The following TLL2 variants were observed in gnomAD, a reference collection of about 807,000 sequenced individuals.
TLL2 encodes tolloid like 2.
In TLL2, 106 loss-of-function variants were observed where a neutral mutation model predicts 123.0. The ratio of observed to expected loss-of-function variants is 0.86; its 90% CI spans 0.74 to 1.01. The LOEUF (loss-of-function observed/expected upper bound fraction) is 1.01, where lower values mean the gene tolerates loss of function less well. TLL2 is among the 50% of genes least tolerant of loss of function. TLL2 has a pLI of 0.00. For missense variants in TLL2, 1,332 were observed against 1,336.7 expected, an observed-to-expected ratio of 1.00 and a Z score of 0.06; for synonymous variants, 494 against 516.8, an observed-to-expected ratio of 0.96 and a Z score of 0.60.
chr10:96,496,183 A>T (rs1051803761), intron 1 of TLL2, among the ~76,000 whole-genome samples: 11 of 152,268 alleles, frequency 7.2e-5, no homozygotes, highest in Non-Finnish European at 1.5e-4. Context: ...CTCAGGATAG[A>T]TATTCCTAAT....
chr10:96,448,642 GA>G (rs1330775609), intron 2 of TLL2, among the ~76,000 whole-genome samples: 1 of 152,094 alleles, frequency 6.6e-6, no homozygotes, highest in Non-Finnish European at 1.5e-5. Context: ...AAGGGTAGGG[GA>G]AAAAATGACA....
chr10:96,395,884 T>C lies in TLL2; in HGVS notation c.1521A>G (p.Gln507=). The C allele has an allele frequency of 6.2e-7, 1 of 1,614,154 alleles. No homozygotes were observed. The highest frequency in any genetic ancestry group is 2.2e-5 in the East Asian group (1 of 44,882). Residue 507 remains glutamine, a synonymous_variant, in exon 12 of 21, where the codon CAA becomes CAG. Coordinates refer to ENST00000357947, the MANE Select transcript of TLL2 (RefSeq NM_012465.4). Reference sequence around the variant, plus strand: ...TCTGAGCAGCACTCACCTCAAAAGCTTGGAAGGTAAGTCCCACGTGAAACC... The same window carrying C: ...TCTGAGCAGCACTCACCTCAAAAGCCTGGAAGGTAAGTCCCACGTGAAACC... ...SEGFHVGLTF[Q]AFEIERHDSC...
At chr10:96,401,684 A>G (rs992701815) in intron 10 of TLL2, among the ~76,000 whole-genome samples, 1 of 152,202 alleles carries the variant, frequency 6.6e-6, no homozygotes, top group Admixed American at 6.5e-5. Flanking sequence ...TATAATGAGA[A>G]AATCTTGTTT....
intron 1 of TLL2, among the ~76,000 whole-genome samples, chr10:96,482,126 C>T (rs765526832): frequency 3.3e-5 from 5 of 152,062 alleles, no homozygotes; most frequent in African/African-American, 4.8e-5. Flanking sequence ...GGCATGGTGG[C>T]GGGCGCCTGT....
intron 1 of TLL2, among the ~76,000 whole-genome samples, chr10:96,506,904 A>G (rs1847585007): frequency 6.6e-6 from 1 of 152,136 alleles, no homozygotes; most frequent in African/African-American, 2.4e-5. Flanking sequence ...TCTACCAAAT[A>G]TGGGCTCTGT....
intron 2 of TLL2, among the ~76,000 whole-genome samples, chr10:96,479,500 C>G (rs1156251264): frequency 2.0e-5 from 3 of 152,230 alleles, no homozygotes; most frequent in Non-Finnish European, 4.4e-5. Flanking sequence ...ACCCTCCCCC[C>G]AGCACCATCC....
At chr10:96,372,717 T>C (rs1406051180) in intron 19 of TLL2, among the ~76,000 whole-genome samples, 6 of 152,294 alleles carry the variant, frequency 3.9e-5, no homozygotes, top group East Asian at 3.9e-4. Context: ...CTGGACTTCA[T>C]AGACCAGCAA....
intron 6 of TLL2, among the ~76,000 whole-genome samples, chr10:96,421,940 G>C (rs1846628276): frequency 6.6e-6 from 1 of 152,164 alleles, no homozygotes; most frequent in African/African-American, 2.4e-5. Flanking sequence ...ATCCTAAATA[G>C]CTCACAATTC....
At chr10:96,384,299 G>A (rs938218316) in intron 16 of TLL2, among the ~76,000 whole-genome samples, 3 of 152,200 alleles carry the variant, frequency 2.0e-5, no homozygotes, top group Non-Finnish European at 2.9e-5. Context: ...ATGGCCCTGC[G>A]AACACCTGGA....
chr10:96,427,114 C>T (rs1846685425), intron 5 of TLL2, among the ~76,000 whole-genome samples: 1 of 152,006 alleles, frequency 6.6e-6, no homozygotes, highest in African/African-American at 2.4e-5. Context: ...GACCTAAGAG[C>T]CATAAAAATG....
chr10:96,503,907 G>T (rs548164559), intron 1 of TLL2, among the ~76,000 whole-genome samples: 4 of 152,194 alleles, frequency 2.6e-5, no homozygotes, highest in Admixed American at 2.6e-4. Flanking sequence ...GGAGAAGCTC[G>T]TTCACTGGGG....
Position 96,371,462 on chromosome 10 carries a change from C to T in TLL2, c.2663-1147G>A, listed in dbSNP as rs78250270. 2.7e-3 allele frequency among the ~76,000 whole-genome samples: 416 copies of T among 152,362 alleles called. 11 individuals carry two copies. The highest frequency in any genetic ancestry group is 0.023 in the East Asian group (120 of 5,184). Reference sequence around the variant, plus strand: ...ATGCCCCCCGAGGGGCCCAGGCAAACGCTGTTGTAGATTCTGGGCCACCTG... The same window carrying T: ...ATGCCCCCCGAGGGGCCCAGGCAAATGCTGTTGTAGATTCTGGGCCACCTG... On this transcript the variant is annotated intron_variant, in intron 19 of 20. Transcript: ENST00000357947.
intron 2 of TLL2, among the ~76,000 whole-genome samples, chr10:96,454,173 T>A (rs1846987868): frequency 6.6e-6 from 1 of 151,974 alleles, no homozygotes; most frequent in African/African-American, 2.4e-5. Flanking sequence ...AAATTCCGAG[T>A]CCTCACCTTG....
At chr10:96,504,722 G>A (rs897331132) in intron 1 of TLL2, among the ~76,000 whole-genome samples, 7 of 152,170 alleles carry the variant, frequency 4.6e-5, no homozygotes, top group Non-Finnish European at 7.3e-5. Context: ...GATACTGCCT[G>A]AGGGCCAGGA....
intron 1 of TLL2, among the ~76,000 whole-genome samples, chr10:96,511,873 T>C (rs1847634874): frequency 6.6e-6 from 1 of 152,188 alleles, no homozygotes; most frequent in African/African-American, 2.4e-5. Flanking sequence ...AGCCACTCCC[T>C]TTATCCCACA....
intron 4 of TLL2, among the ~76,000 whole-genome samples, chr10:96,432,374 C>T (rs1846752376): frequency 6.6e-6 from 1 of 151,978 alleles, no homozygotes; most frequent in Admixed American, 6.6e-5. Context: ...TCCACTGGTC[C>T]CTTTGGTCAC....
chr10:96,403,034 C>T (rs3789950), intron 10 of TLL2, among the ~76,000 whole-genome samples: 54,065 of 152,028 alleles, frequency 0.36, 10,602 homozygotes, highest in East Asian at 0.66. Context: ...AAAGTCCTCA[C>T]TGAGCGCTTA....
At chr10:96,400,185 A>C (rs951102292) in intron 10 of TLL2, among the ~76,000 whole-genome samples, 1 of 152,094 alleles carries the variant, frequency 6.6e-6, no homozygotes, top group African/African-American at 2.4e-5. Context: ...ATCTCATTTC[A>C]TCCCAATACT....
chr10:96,393,729 T>G (rs375452593), intron 13 of TLL2, among the ~76,000 whole-genome samples: 3,164 of 91,206 alleles, frequency 0.035, 124 homozygotes, highest in African/African-American at 0.11. Flanking sequence ...GCTTTTTTTT[T>G]CTTTTTTTTC....
Sources: allele counts gnomAD v4.1 joint callset (sites outside exome capture counted in the v4.1 genomes callset), GRCh38; gene constraint gnomAD v4.1.1; transcripts MANE v1.5; gene names NCBI Gene and HGNC (gene_info 2026-07-23, HGNC 2026-07-21).